The following LACTBL1 variants were observed in gnomAD, a reference collection of about 807,000 sequenced individuals.
The protein encoded by LACTBL1 is beta-lactamase-like protein 1.
Under a neutral mutation model 39.6 loss-of-function variants are expected in LACTBL1, and 29 were observed. The ratio of observed to expected loss-of-function variants is 0.73; its 90% CI spans 0.55 to 1.00. LACTBL1 has a LOEUF of 1.00. LACTBL1 is among the 50% of genes least tolerant of loss of function. The probability of loss-of-function intolerance (pLI) is 0.00; values close to 1 mark genes in which losing one functional copy is unlikely to be tolerated. For synonymous variants in LACTBL1, 361 were observed against 360.7 expected (o/e 1.00, Z -0.01); for missense variants, 711 against 748.5 (o/e 0.95, Z 0.59).
At chr1:22,960,680 T>TA (rs1453814643) in intron 2 of LACTBL1, among the ~76,000 whole-genome samples, 2 of 146,324 alleles carry the variant, frequency 1.4e-5, no homozygotes, top group Non-Finnish European at 3.0e-5. Flanking sequence ...TCTGACGCCC[T>TA]AAAAAACCTC....
intron 4 of LACTBL1, 87 bp downstream of exon 6, chr1:22,958,598 G>A: frequency 8.6e-7 from 1 of 1,158,940 alleles, no homozygotes; most frequent in Admixed American, 2.6e-5. Context: ...AGCCAAGAGT[G>A]AGCCCAGCCT....
the LACTBL1 span, among the ~76,000 whole-genome samples, chr1:22,971,036 G>A: frequency 6.6e-6 from 1 of 152,194 alleles, no homozygotes; most frequent in Non-Finnish European, 1.5e-5. Context: ...AGAGCTGCAG[G>A]GGCAGTGAGG....
exon 6 of LACTBL1, chr1:22,953,946 G>A (rs1162136381): frequency 1.3e-6 from 2 of 1,550,280 alleles, no homozygotes; most frequent in Admixed American, 2.0e-5. Flanking sequence ...CCGAGACCCA[G>A]CGCTGGTAGT....
chr1:22,953,713 T>C, exon 6 of LACTBL1: 1 of 1,325,754 alleles, frequency 7.5e-7, no homozygotes. Flanking sequence ...CTTGGCCGCG[T>C]CGGGCCGCAG....
intron 5 of LACTBL1, among the ~76,000 whole-genome samples, chr1:22,955,046 C>T (rs570193332): frequency 9.8e-4 from 150 of 152,340 alleles, no homozygotes; most frequent in African/African-American, 3.6e-3. Context: ...GAGGAGCAAA[C>T]CGGGTGTTTA....
At chr1:22,964,097 C>T (rs906688984) in intron 1 of LACTBL1, among the ~76,000 whole-genome samples, 18 of 152,094 alleles carry the variant, frequency 1.2e-4, no homozygotes, top group East Asian at 1.9e-4. Context: ...CCACCACGCC[C>T]GGCTCATTTT....
In LACTBL1 at chr1:22,953,240, G is replaced by C. The variant is rs780707524; in HGVS notation, c.1444C>G (p.Gln482Glu). The C allele has an allele frequency of 2.4e-6, 3 of 1,231,810 alleles. No homozygotes were observed. In the Admixed American group the frequency reaches 1.3e-4, roughly 52 times the overall value. 76.3% of individuals were successfully genotyped at this position (1,231,810 alleles called of 1,614,324 possible). A position where few individuals can be genotyped will look rare whatever the true frequency, so the allele number is the denominator to read the frequency against. Reference sequence around the variant, plus strand: ...GGGAACTCGTGGGCCACGTGCAGCTGGAAGACGCGGCCGTGCAGGTGGCGC... The same window carrying C: ...GGGAACTCGTGGGCCACGTGCAGCTCGAAGACGCGGCCGTGCAGGTGGCGC... Residue 482 changes from glutamine (Q) to glutamate (E), a missense_variant, in exon 6 of 6, where the codon CAG (glutamine) becomes GAG (glutamate). Gln to Glu is a conservative substitution (Grantham distance 29). Transcript: ENST00000426928.
the LACTBL1 span, among the ~76,000 whole-genome samples, chr1:22,972,003 G>A: frequency 6.6e-6 from 1 of 152,136 alleles, no homozygotes; most frequent in Admixed American, 6.5e-5. Context: ...AGTTAGGAAT[G>A]AGCTTGGGTC....
Position 22,963,413 on chromosome 1 carries a change from A to C in LACTBL1, c.50-197T>G, listed in dbSNP as rs189616443. Among the ~76,000 whole-genome samples, 6 of 152,286 alleles carry C rather than the reference A, an allele frequency of 3.9e-5. No individual in the cohort carries two copies. In the East Asian group the frequency reaches 1.2e-3, roughly 29 times the overall value. On this transcript the variant is annotated intron_variant, in intron 1 of 5. Coordinates refer to ENST00000426928, the Ensembl canonical transcript of LACTBL1. The stretch of plus-strand genomic sequence containing the variant: ...CAAAGTGTGCCCTTGGGGAGGAGGC[A>C]CAGCCCTGCAGGCCACAGCTCCTGG...
At position 22,953,637 on chromosome 1, in the gene LACTBL1, C is replaced by T; in HGVS notation, c.1047G>A (p.Trp349Ter). 1 of 1,270,630 alleles carries T rather than the reference C, an allele frequency of 7.9e-7. No individual in the cohort carries two copies. Among genetic ancestry groups the T allele is most frequent in the Non-Finnish European group, 9.9e-7 (1 of 1,013,232 alleles). 78.7% of individuals were successfully genotyped at this position (1,270,630 alleles called of 1,614,324 possible). ...GGTAGCCCCGCTGCGCGTGGAACTC[C>T]CACGGCGTGCCCGTCTCGTTGGCGA... Residue 349 changes from tryptophan (W) to a stop codon, truncating the protein, a stop_gained, in exon 6 of 6, where the codon TGG (tryptophan) becomes TGA (stop). Transcript: ENST00000426928. LOFTEE classifies it high-confidence loss of function.
chr1:22,956,440 C>T (rs1283572018), intron 4 of LACTBL1, among the ~76,000 whole-genome samples: 1 of 152,086 alleles, frequency 6.6e-6, no homozygotes. Flanking sequence ...GGGAGTGACA[C>T]CAACCACATC....
exon 6 of LACTBL1, chr1:22,953,409 G>C (rs972228875): frequency 2.4e-6 from 3 of 1,227,892 alleles, no homozygotes; most frequent in African/African-American, 1.6e-5. Context: ...AGGGGTGCGC[G>C]GTGGGCGGCG....
chr1:22,971,199 A>G, the LACTBL1 span, among the ~76,000 whole-genome samples: 1 of 152,166 alleles, frequency 6.6e-6, no homozygotes, highest in African/African-American at 2.4e-5. Context: ...CTGAGATTCA[A>G]GCTCTGTAAG....
At chr1:22,966,459 G>A (rs188818627), upstream of LACTBL1, among the ~76,000 whole-genome samples, 15 of 152,198 alleles carry the variant, frequency 9.9e-5, no homozygotes, top group African/African-American at 2.9e-4. Flanking sequence ...CAGTACACAC[G>A]CAATCCCTCA....
At chr1:22,969,872 C>T (rs1436073954), upstream of LACTBL1, among the ~76,000 whole-genome samples, 4 of 152,170 alleles carry the variant, frequency 2.6e-5, no homozygotes, top group African/African-American at 7.2e-5. Context: ...CAGAGAATTC[C>T]CTCCTGGCTC....
At chr1:22,963,072 C>T in intron 2 of LACTBL1, 35 bp downstream of exon 4, 3 of 1,182,488 alleles carry the variant, frequency 2.5e-6, no homozygotes, top group Non-Finnish European at 3.3e-6. Context: ...CAGGCCCAGC[C>T]CATATGCCCA....
intron 2 of LACTBL1, among the ~76,000 whole-genome samples, chr1:22,962,595 G>A (rs1482387753): frequency 2.0e-5 from 3 of 152,100 alleles, no homozygotes; most frequent in Non-Finnish European, 4.4e-5. Context: ...TCCTGTCTCA[G>A]CTTCCCTACT....
In LACTBL1 at chr1:22,954,902, C is replaced by T. The variant is rs529213774; in HGVS notation, c.659+419G>A. On this transcript the variant is annotated intron_variant, in intron 5 of 5. Coordinates refer to ENST00000426928, the Ensembl canonical transcript of LACTBL1. ...CAGCCCCACTGCTCCCAGAGTGGGG[C>T]TTCTCTGTTCAGTGGCCACCCAGCT... 4.6e-5 allele frequency among the ~76,000 whole-genome samples: 7 copies of T among 152,304 alleles called. No homozygotes were observed. The East Asian group carries it at 1.4e-3, about 29-fold the overall frequency.
chr1:22,958,833 C>T (rs994690404), exon 4 of LACTBL1: 1 of 1,550,666 alleles, frequency 6.4e-7, no homozygotes. Context: ...CATACCGCTC[C>T]AGAGGGTCAT....
Sources: allele counts gnomAD v4.1 joint callset (sites outside exome capture counted in the v4.1 genomes callset), GRCh38; gene constraint gnomAD v4.1.1; transcripts MANE v1.5; gene names NCBI Gene and HGNC (gene_info 2026-07-23, HGNC 2026-07-21).